The following ZNF704 variants were observed in gnomAD, a reference collection of about 807,000 sequenced individuals.
ZNF704 encodes zinc finger protein 704.
A neutral mutation model predicts 44.7 loss-of-function variants in ZNF704; 10 were observed. The observed-to-expected ratio is 0.22, with a 90% CI of 0.14 to 0.38. The LOEUF (loss-of-function observed/expected upper bound fraction) is 0.38. Among genes scored for constraint, ZNF704 ranks in the 10% least tolerant of loss-of-function variants. The pLI is 1.00. For synonymous variants in ZNF704, 211 were observed against 207.6 expected (o/e 1.02, Z -0.14); for missense variants, 390 against 545.5 (o/e 0.71, Z 2.84).
At chr8:80,748,748 G>A (rs910969151) in intron 2 of ZNF704, among the ~76,000 whole-genome samples, 3 of 151,996 alleles carry the variant, frequency 2.0e-5, no homozygotes, top group East Asian at 1.9e-4. Context: ...GCTTAGAGTC[G>A]GAAAGACACC....
At chr8:80,862,640 C>T (rs1809086408) in intron 1 of ZNF704, among the ~76,000 whole-genome samples, 1 of 150,392 alleles carries the variant, frequency 6.6e-6, no homozygotes, top group African/African-American at 2.5e-5. Flanking sequence ...TGGCACATGC[C>T]TGTAATCCCA....
At chr8:80,663,624 C>T (rs968487976) in intron 6 of ZNF704, among the ~76,000 whole-genome samples, 2 of 152,182 alleles carry the variant, frequency 1.3e-5, no homozygotes, top group South Asian at 4.1e-4. Context: ...TTGAGAACGA[C>T]TACTCTAATC....
intron 1 of ZNF704, among the ~76,000 whole-genome samples, chr8:80,851,467 C>T (rs1050201003): frequency 6.6e-6 from 1 of 151,210 alleles, no homozygotes; most frequent in Non-Finnish European, 1.5e-5. Flanking sequence ...AGCAAACTAT[C>T]GCAAGGACAA....
Position 80,702,265 on chromosome 8 carries a change from A to G in ZNF704, c.222-9158T>C, listed in dbSNP as rs1242995058. Among the ~76,000 whole-genome samples the G allele has an allele frequency of 1.3e-5, 2 of 152,202 alleles. 1 individual carries two copies. Among genetic ancestry groups the G allele is most frequent in the East Asian group, 3.9e-4 (2 of 5,188 alleles). On this transcript the variant is annotated intron_variant, in intron 2 of 8. Coordinates refer to ENST00000327835, the MANE Select transcript of ZNF704 (RefSeq NM_001033723.3). ...TTCTCTCTGGAGGTCTCTCCTCAGA[A>G]GCAGGTAGGTTTCTCTGTGGAGAGT...
intron 4 of ZNF704, among the ~76,000 whole-genome samples, chr8:80,684,095 C>T (rs1394100671): frequency 1.3e-5 from 2 of 152,158 alleles, no homozygotes; most frequent in Non-Finnish European, 2.9e-5. Context: ...ACCTGTTTGC[C>T]TGTTTTACAG....
In ZNF704 at chr8:80,821,441, G is replaced by T; in HGVS notation, c.154C>A (p.Arg52Ser). ...TTTTGCTCAAGGAGACAGATGGAGC[G>T]AGTGTTTTCTTTTTCATGGTCAAGG... ...RILDHEKENT[R>S]SICLLEQKRK... The change falls in exon 2 of 9, where the codon CGC becomes AGC. Residue 52 changes from arginine to serine, a missense_variant. Arg to Ser is a moderately radical substitution (Grantham distance 110). Coordinates refer to ENST00000327835, the MANE Select transcript of ZNF704 (RefSeq NM_001033723.3). 5 of 1,614,128 alleles carry T rather than the reference G, an allele frequency of 3.1e-6. No individual in the cohort carries two copies. Among genetic ancestry groups the T allele is most frequent in the Non-Finnish European group, 4.2e-6 (5 of 1,180,004 alleles).
intron 2 of ZNF704, among the ~76,000 whole-genome samples, chr8:80,747,213 C>T (rs1357742501): frequency 6.6e-6 from 1 of 152,008 alleles, no homozygotes; most frequent in Non-Finnish European, 1.5e-5. Flanking sequence ...TGCGGTGTAG[C>T]TCTGTGGTAG....
chr8:80,758,996 G>A (rs917031448), intron 2 of ZNF704, among the ~76,000 whole-genome samples: 1 of 152,102 alleles, frequency 6.6e-6, no homozygotes, highest in Non-Finnish European at 1.5e-5. Flanking sequence ...GTGATCCCAG[G>A]TTTTTCTGAC....
intron 2 of ZNF704, among the ~76,000 whole-genome samples, chr8:80,751,794 C>G (rs1806948463): frequency 1.3e-5 from 2 of 152,214 alleles, no homozygotes; most frequent in African/African-American, 2.4e-5. Flanking sequence ...GTTGCCCAAG[C>G]TGGAGTGCAG....
chr8:80,841,718 T>C (rs1244049583), intron 1 of ZNF704, among the ~76,000 whole-genome samples: 5 of 152,242 alleles, frequency 3.3e-5, no homozygotes, highest in South Asian at 2.1e-4. Context: ...GAGAGATCCC[T>C]AGCAGAGATA....
chr8:80,723,792 A>G (rs1806421922), intron 2 of ZNF704, among the ~76,000 whole-genome samples: 1 of 152,258 alleles, frequency 6.6e-6, no homozygotes, highest in Non-Finnish European at 1.5e-5. Flanking sequence ...AAAAAGTTTG[A>G]AGACCACCAA....
At chr8:80,730,271 T>C (rs1289721396) in intron 2 of ZNF704, among the ~76,000 whole-genome samples, 1 of 152,116 alleles carries the variant, frequency 6.6e-6, no homozygotes, top group East Asian at 1.9e-4. Context: ...ATTTAAACAG[T>C]TGTGCATTTA....
At chr8:80,780,888 C>CT (rs1401335489) in intron 2 of ZNF704, among the ~76,000 whole-genome samples, 1 of 152,156 alleles carries the variant, frequency 6.6e-6, no homozygotes, top group African/African-American at 2.4e-5. Flanking sequence ...AGTTCATAAT[C>CT]TGTTACAGCA....
intron 1 of ZNF704, among the ~76,000 whole-genome samples, chr8:80,831,143 C>A (rs935056981): frequency 5.3e-5 from 8 of 152,180 alleles, no homozygotes; most frequent in African/African-American, 1.9e-4. Context: ...ATCTTAAAAA[C>A]AAAACCAAAG....
intron 2 of ZNF704, among the ~76,000 whole-genome samples, chr8:80,820,192 AGG>A (rs1346937471): frequency 6.6e-6 from 1 of 152,230 alleles, no homozygotes; most frequent in Non-Finnish European, 1.5e-5. Context: ...GCACTGTTCC[AGG>A]GCTAGGGATA....
At chr8:80,746,310 G>A (rs994346611) in intron 2 of ZNF704, among the ~76,000 whole-genome samples, 3 of 152,202 alleles carry the variant, frequency 2.0e-5, no homozygotes, top group African/African-American at 7.2e-5. Context: ...AGAAAGCACA[G>A]TATATATTTT....
chr8:80,705,191 G>A lies in ZNF704; in HGVS notation c.222-12084C>T, dbSNP rs1818876380. On this transcript the variant is annotated intron_variant, in intron 2 of 8. Coordinates refer to ENST00000327835, the MANE Select transcript of ZNF704 (RefSeq NM_001033723.3). ...CCTGAATTCTCAAGAGCTCCCTTCT[G>A]GGACTGCCACTGAGGCTGCATATGA... Among the ~76,000 whole-genome samples the A allele has an allele frequency of 2.6e-5, 4 of 152,286 alleles. No individual in the cohort carries two copies. In the South Asian group the frequency reaches 8.3e-4, roughly 32 times the overall value.
chr8:80,654,471 A>T (rs1360766461), intron 7 of ZNF704, among the ~76,000 whole-genome samples: 3 of 151,988 alleles, frequency 2.0e-5, no homozygotes, highest in African/African-American at 2.4e-5. Context: ...CAGAATCTAC[A>T]ATGAACTCCA....
intron 2 of ZNF704, among the ~76,000 whole-genome samples, chr8:80,752,602 T>G (rs1417528820): frequency 1.3e-5 from 2 of 151,430 alleles, no homozygotes; most frequent in Non-Finnish European, 2.9e-5. Context: ...AGTGCAATGG[T>G]GTGATTTTGG....
Sources: gnomAD v4.1 joint callset for allele counts (sites outside exome capture counted in the v4.1 genomes callset) on GRCh38, gnomAD v4.1.1 for gene constraint, MANE v1.5 for transcripts, NCBI Gene and HGNC (gene_info 2026-07-23, HGNC 2026-07-21) for gene names.